ADGRL2: variants seen among roughly 807,000 people sequenced by gnomAD.
ADGRL2 encodes adhesion G protein-coupled receptor L2, also known as calcium-independent alpha-latrotoxin receptor 2.
A neutral mutation model predicts 157.4 loss-of-function variants in ADGRL2; 44 were observed. The observed-to-expected ratio is 0.28, with a 90% CI of 0.22 to 0.36. The LOEUF (loss-of-function observed/expected upper bound fraction) is 0.36, where lower values mean the gene tolerates loss of function less well. Ranked by LOEUF, ADGRL2 falls within the 10% of genes least tolerant of loss-of-function variation. ADGRL2 has a pLI of 1.00. For synonymous variants in ADGRL2, 585 were observed against 624.7 expected (o/e 0.94, Z 0.95); for missense variants, 1,510 against 1,768.9 (o/e 0.85, Z 2.63).
At chr1:81,726,014 C>G (rs78645667) in intron 1 of ADGRL2, among the ~76,000 whole-genome samples, 10,667 of 149,690 alleles carry the variant, frequency 0.071, 477 homozygotes, top group Non-Finnish European at 0.098. Flanking sequence ...AACAAAAACC[C>G]AAAAACCAAA....
chr1:81,966,463 A>G lies in ADGRL2; in HGVS notation c.2203A>G (p.Asn735Asp), dbSNP rs1166610234. The change falls in exon 13 of 24, where the codon AAT (asparagine) becomes GAT (aspartate). Residue 735 changes from asparagine to aspartate, a missense_variant. Transcript: ENST00000686636. Reference sequence around the variant, plus strand: ...CCTGGGACAGTTCCTTAGTACAGAAAATGCAACCATTAAACTGGGTGCTGA... The same window carrying G: ...CCTGGGACAGTTCCTTAGTACAGAAGATGCAACCATTAAACTGGGTGCTGA... ...RSLGQFLSTE[N>D]ATIKLGADFI... The G allele has an allele frequency of 6.2e-7, 1 of 1,613,982 alleles. No individual in the cohort carries two copies. The highest frequency in any genetic ancestry group is 8.5e-7 in the Non-Finnish European group (1 of 1,180,016).
intron 1 of ADGRL2, among the ~76,000 whole-genome samples, chr1:81,709,814 A>T (rs902386224): frequency 1.6e-4 from 24 of 152,320 alleles, no homozygotes; most frequent in African/African-American, 5.1e-4. Context: ...CTTTAAAAAA[A>T]TTTTCGAAAC....
intron 1 of ADGRL2, among the ~76,000 whole-genome samples, chr1:81,826,426 C>G (rs181245259): frequency 1.1e-5 from 1 of 90,654 alleles, no homozygotes; most frequent in Non-Finnish European, 2.3e-5. Flanking sequence ...CACTTTAATC[C>G]CCTAGAATGA....
At chr1:81,690,069 A>G (rs867433260) in intron 3 of ADGRL2, among the ~76,000 whole-genome samples, 1 of 152,230 alleles carries the variant, frequency 6.6e-6, no homozygotes, top group South Asian at 2.1e-4. Flanking sequence ...GACAAAGAGA[A>G]AGGGAAATAA....
intron 3 of ADGRL2, among the ~76,000 whole-genome samples, chr1:81,611,077 A>G (rs528629871): frequency 6.6e-6 from 1 of 152,228 alleles, no homozygotes; most frequent in Non-Finnish European, 1.5e-5. Context: ...GAGGTACAGT[A>G]AAGCCTTCAG....
chr1:81,566,945 T>C (rs1016175360), intron 2 of ADGRL2, among the ~76,000 whole-genome samples: 4 of 152,238 alleles, frequency 2.6e-5, no homozygotes, highest in African/African-American at 9.6e-5. Context: ...AACAAATAAA[T>C]TTAAATTTCA....
intron 2 of ADGRL2, among the ~76,000 whole-genome samples, chr1:81,467,002 G>A (rs1047861483): frequency 6.8e-6 from 1 of 146,642 alleles, no homozygotes; most frequent in Non-Finnish European, 1.5e-5. Flanking sequence ...CTTCACACCA[G>A]CCCTTTGCAG....
At chr1:81,852,876 T>C (rs763791430) in intron 2 of ADGRL2, among the ~76,000 whole-genome samples, 1 of 152,160 alleles carries the variant, frequency 6.6e-6, no homozygotes, top group African/African-American at 2.4e-5. Context: ...AATTATTTTT[T>C]AACTGTGCTT....
At chr1:81,793,430 T>G (rs531300054) in intron 2 of ADGRL2, among the ~76,000 whole-genome samples, 45 of 152,184 alleles carry the variant, frequency 3.0e-4, no homozygotes, top group African/African-American at 1.1e-3. Context: ...TATGCAAGAG[T>G]TCTATGTAAA....
chr1:81,859,131 T>C lies in ADGRL2; in HGVS notation c.73+22074T>C, dbSNP rs574770989. 3.8e-3 allele frequency among the ~76,000 whole-genome samples: 488 copies of C among 129,730 alleles called. 3 individuals are homozygous for C. The highest frequency in any genetic ancestry group is 0.013 in the African/African-American group (439 of 34,468). The allele number at this position is 129,730 out of a possible 152,430, so 85.1% of individuals were successfully genotyped here. ...ATTGAAAATAATGGACAGTTTAAGA[T>C]GGTAAAGGAAAATTTTGTCACTGAG... On this transcript the variant is annotated intron_variant, in intron 2 of 23. Transcript: ENST00000686636.
chr1:81,613,748 A>C (rs61773227), intron 3 of ADGRL2, among the ~76,000 whole-genome samples: 2 of 152,210 alleles, frequency 1.3e-5, no homozygotes, highest in African/African-American at 4.8e-5. Context: ...GTATAAAAAT[A>C]GCTAGGAGTG....
chr1:81,988,160 A>C (rs2149515700), intron 23 of ADGRL2, among the ~76,000 whole-genome samples: 1 of 152,236 alleles, frequency 6.6e-6, no homozygotes, highest in South Asian at 2.1e-4. Flanking sequence ...TGTCAACCAA[A>C]ATGCTTAATA....
intron 2 of ADGRL2, among the ~76,000 whole-genome samples, chr1:81,877,787 A>G (rs910441955): frequency 6.6e-6 from 1 of 152,094 alleles, no homozygotes; most frequent in Non-Finnish European, 1.5e-5. Flanking sequence ...TGCCATTTAT[A>G]GGTGGTTATA....
intron 1 of ADGRL2, among the ~76,000 whole-genome samples, chr1:81,704,709 A>C (rs1463293205): frequency 6.6e-6 from 1 of 152,244 alleles, no homozygotes; most frequent in Non-Finnish European, 1.5e-5. Context: ...AGAATGTTGA[A>C]GATTTTTAAA....
intron 1 of ADGRL2, among the ~76,000 whole-genome samples, chr1:81,339,778 T>C (rs1164806021): frequency 6.6e-6 from 1 of 152,216 alleles, no homozygotes; most frequent in Non-Finnish European, 1.5e-5. Flanking sequence ...TCCATACCTT[T>C]GTACATTCTG....
intron 1 of ADGRL2, among the ~76,000 whole-genome samples, chr1:81,328,089 C>A (rs542846187): frequency 1.4e-4 from 22 of 152,264 alleles, no homozygotes; most frequent in South Asian, 1.2e-3. Context: ...CACGACTACA[C>A]TGCCTTTCAT....
intron 3 of ADGRL2, among the ~76,000 whole-genome samples, chr1:81,670,970 A>G (rs1188669829): frequency 6.6e-6 from 1 of 152,200 alleles, no homozygotes; most frequent in Non-Finnish European, 1.5e-5. Context: ...TCAGCTTTCC[A>G]AAGTGCTGGG....
At chr1:81,645,061 T>C (rs2082287217) in intron 3 of ADGRL2, among the ~76,000 whole-genome samples, 1 of 152,096 alleles carries the variant, frequency 6.6e-6, no homozygotes, top group Non-Finnish European at 1.5e-5. Flanking sequence ...AATTAAGTAT[T>C]AATAGTTGTA....
At chr1:81,808,874 G>A (rs1309093187) in intron 1 of ADGRL2, among the ~76,000 whole-genome samples, 1 of 151,988 alleles carries the variant, frequency 6.6e-6, no homozygotes, top group East Asian at 1.9e-4. Flanking sequence ...AAGCACAACC[G>A]CTACTCAAAG....
Sources: gnomAD v4.1 joint callset for allele counts (sites outside exome capture counted in the v4.1 genomes callset) on GRCh38, gnomAD v4.1.1 for gene constraint, MANE v1.5 for transcripts, NCBI Gene and HGNC (gene_info 2026-07-23, HGNC 2026-07-21) for gene names.